Variants in CTNND1 observed in about 807,000 individuals in gnomAD.
CTNND1 encodes catenin delta-1.
In CTNND1, 16 loss-of-function variants were observed where a neutral mutation model predicts 112.1. The observed-to-expected ratio is 0.14, with a 90% CI of 0.10 to 0.22. CTNND1 has a LOEUF of 0.22. CTNND1 is among the 10% of genes least tolerant of loss of function. The pLI, the probability that CTNND1 is intolerant of heterozygous loss-of-function variation, is 1.00. For synonymous variants in CTNND1, 420 were observed against 446.5 expected, an observed-to-expected ratio of 0.94 and a Z score of 0.75; for missense variants, 1,008 against 1,257.0, an observed-to-expected ratio of 0.80 and a Z score of 3.00.
Position 57,761,879 on chromosome 11 carries a change from GAA to G in CTNND1, c.-447_-446del. The stretch of plus-strand genomic sequence containing the variant: ...CATTTTAGGTGTTGGATCTGAGGGG[GAA>G]AAAAAAGAGAGAGGGAGAGAGAGAG... On this transcript the variant is annotated 5_prime_UTR_variant, in exon 1 of 21. Transcript: ENST00000399050. 1.0e-6 allele frequency: 1 copy of G among 984,508 alleles called. No homozygotes were observed. The highest frequency in any genetic ancestry group is 1.2e-6 in the Non-Finnish European group (1 of 829,722). 61.0% of individuals were successfully genotyped at this position (984,508 alleles called of 1,614,324 possible). A position where few individuals can be genotyped will look rare whatever the true frequency, so the allele number is the denominator to read the frequency against.
chr11:57,763,717 G>T (rs1230674398), intron 1 of CTNND1: 1 of 152,228 alleles, frequency 6.6e-6, no homozygotes, highest in East Asian at 1.9e-4. Context: ...CCAGCCTGGG[G>T]AGGTTTCTTG....
chr11:57,777,525 C>T (rs979770203), intron 1 of CTNND1, among the ~76,000 whole-genome samples: 1 of 152,218 alleles, frequency 6.6e-6, no homozygotes, highest in Non-Finnish European at 1.5e-5. Flanking sequence ...CTGCTTCGGC[C>T]TCCCAAAGTG....
At chr11:57,799,308 A>C (rs2061721113) in intron 6 of CTNND1, among the ~76,000 whole-genome samples, 1 of 152,088 alleles carries the variant, frequency 6.6e-6, no homozygotes, top group Non-Finnish European at 1.5e-5. Flanking sequence ...GCTTTTTCTG[A>C]CTTCCTCATT....
intron 1 of CTNND1, among the ~76,000 whole-genome samples, chr11:57,770,736 C>T (rs1287849238): frequency 6.6e-6 from 1 of 152,124 alleles, no homozygotes. Flanking sequence ...AATATATTCT[C>T]ATGGTTGAGG....
At chr11:57,782,233 A>C (rs2059656605) in intron 1 of CTNND1, among the ~76,000 whole-genome samples, 3 of 152,194 alleles carry the variant, frequency 2.0e-5, no homozygotes, top group Admixed American at 1.3e-4. Flanking sequence ...CCAATCAGAG[A>C]GAATGTATCA....
At chr11:57,800,944 C>A (rs540353587) in intron 6 of CTNND1, among the ~76,000 whole-genome samples, 1 of 152,312 alleles carries the variant, frequency 6.6e-6, no homozygotes, top group Admixed American at 6.5e-5. Flanking sequence ...TTTCTCTGTT[C>A]CTAGTGGCTG....
At position 57,798,123 on chromosome 11, in the gene CTNND1, C is replaced by T. The variant is rs930714735; in HGVS notation, c.956+1131C>T. Among the ~76,000 whole-genome samples the T allele has an allele frequency of 2.6e-5, 4 of 151,886 alleles. No homozygotes were observed. The South Asian group carries it at 6.2e-4, about 24-fold the overall frequency. Reference sequence around the variant, plus strand: ...CAGCACTTTGGGAGGCCGAGTTGGGCGGATCACGAGGTCAGGAGATCGAGA... The same window carrying T: ...CAGCACTTTGGGAGGCCGAGTTGGGTGGATCACGAGGTCAGGAGATCGAGA... On this transcript the variant is annotated intron_variant, in intron 6 of 20. Transcript: ENST00000399050.
At chr11:57,785,642 C>A (rs2060048836) in intron 1 of CTNND1, among the ~76,000 whole-genome samples, 1 of 151,952 alleles carries the variant, frequency 6.6e-6, no homozygotes. Flanking sequence ...CTCCGCCTCC[C>A]GGGTTCAAGT....
At chr11:57,814,817 A>C (rs1439817063) in intron 18 of CTNND1, among the ~76,000 whole-genome samples, 2 of 152,064 alleles carry the variant, frequency 1.3e-5, no homozygotes, top group East Asian at 1.9e-4. Flanking sequence ...GCTTAACTCA[A>C]GTCCTGTTTT....
intron 6 of CTNND1, among the ~76,000 whole-genome samples, chr11:57,799,979 G>GTTT (rs1157141511): frequency 0.037 from 2,201 of 58,884 alleles, 444 homozygotes; most frequent in Non-Finnish European, 0.052. Context: ...TTGTTTCCGT[G>GTTT]TTTTTTTTTT....
intron 1 of CTNND1, among the ~76,000 whole-genome samples, chr11:57,777,775 C>T (rs922917724): frequency 3.3e-5 from 5 of 152,162 alleles, no homozygotes; most frequent in African/African-American, 9.7e-5. Context: ...GAGGACTCTG[C>T]TGAGCATCTT....
chr11:57,817,455 T>C lies in CTNND1; in HGVS notation c.*1147T>C, dbSNP rs1359415861. On this transcript the variant is annotated 3_prime_UTR_variant, in exon 21 of 21. Coordinates refer to ENST00000399050, the MANE Select transcript of CTNND1 (RefSeq NM_001085458.2). ...TTTGCCTCTGCAGTCTCATTTCTCA[T>C]AATTTTGCAAATTATATTTTGTTGC... is the stretch of plus-strand genomic sequence containing the variant. The C allele has an allele frequency of 6.5e-6, 1 of 152,696 alleles. No homozygotes were observed. Among genetic ancestry groups the C allele is most frequent in the African/African-American group, 2.4e-5 (1 of 41,466 alleles). The allele number at this position is 152,696 out of a possible 1,614,324, so 9.5% of individuals were successfully genotyped here. A position where few individuals can be genotyped will look rare whatever the true frequency, so the allele number is the denominator to read the frequency against.
Position 57,816,351 on chromosome 11 carries a change from T to A in CTNND1, c.*43T>A. 1 of 1,611,046 alleles carries A rather than the reference T, an allele frequency of 6.2e-7. No homozygotes were observed. Among genetic ancestry groups the A allele is most frequent in the Middle Eastern group, 1.7e-4 (1 of 5,752 alleles). ...CATCTGGGCTTATATGTACTTTTAT[T>A]TTTTGGTGGTGAAATTGACTGATGA... On this transcript the variant is annotated 3_prime_UTR_variant, in exon 21 of 21. Transcript: ENST00000399050.
Position 57,819,062 on chromosome 11 carries a change from G to T in CTNND1, c.*2754G>T, listed in dbSNP as rs1248732854. 6.6e-6 allele frequency: 1 copy of T among 152,198 alleles called. No individual in the cohort carries two copies. The highest frequency in any genetic ancestry group is 1.5e-5 in the Non-Finnish European group (1 of 68,022). 9.4% of individuals were successfully genotyped at this position (152,198 alleles called of 1,614,324 possible). On this transcript the variant is annotated 3_prime_UTR_variant, in exon 21 of 21. Transcript: ENST00000399050. ...GATCAAGGGTTAAGATCTATGGGAA[G>T]ATACTTATTTTTCTGAGGTCCTTAT...
chr11:57,809,976 G>A (rs1017299155), intron 15 of CTNND1, 133 bp from the exon 16 acceptor site: 8 of 528,808 alleles, frequency 1.5e-5, no homozygotes, highest in Non-Finnish European at 2.5e-5. Flanking sequence ...CTCCCAAAGT[G>A]CTGGGATTAC....
At position 57,817,938 on chromosome 11, in the gene CTNND1, C is replaced by T. The variant is rs2064062762; in HGVS notation, c.*1630C>T. 6.6e-6 allele frequency: 1 copy of T among 152,578 alleles called. No individual in the cohort carries two copies. Among genetic ancestry groups the T allele is most frequent in the Admixed American group, 6.5e-5 (1 of 15,268 alleles). The allele number at this position is 152,578 out of a possible 1,614,324, so 9.5% of individuals were successfully genotyped here. A position where few individuals can be genotyped will look rare whatever the true frequency, so the allele number is the denominator to read the frequency against. On this transcript the variant is annotated 3_prime_UTR_variant, in exon 21 of 21. Transcript: ENST00000399050. The stretch of plus-strand genomic sequence containing the variant: ...TGCAACTGGAGTTCCTTATCCCTCT[C>T]TTCCCCTTCCCTTATATATTGAGGC...
At chr11:57,765,460 A>ATTTTTTTTTTT (rs5792061) in intron 1 of CTNND1, among the ~76,000 whole-genome samples, 1 of 105,600 alleles carries the variant, frequency 9.5e-6, no homozygotes, top group African/African-American at 3.5e-5. Context: ...TCCTCCCTTA[A>ATTTTTTTTTTT]TTTTTTTTTT....
At chr11:57,807,618 A>G (rs2062851569) in intron 12 of CTNND1, among the ~76,000 whole-genome samples, 1 of 151,150 alleles carries the variant, frequency 6.6e-6, no homozygotes, top group Non-Finnish European at 1.5e-5. Context: ...AAAAAAAAAA[A>G]AAAAAAAAAA....
In CTNND1 at chr11:57,773,727, A is replaced by G. The variant is rs186883377; in HGVS notation, c.-214+11608A>G. 2.1e-3 allele frequency among the ~76,000 whole-genome samples: 316 copies of G among 151,306 alleles called. 3 individuals carry two copies. The highest frequency in any genetic ancestry group is 7.4e-3 in the African/African-American group (304 of 41,226). ...TGAGGTGGGCGGATCGCTTGAGGTC[A>G]GGAGTTAGAGACCAGCCTGGCCAAC... is the stretch of plus-strand genomic sequence containing the variant. On this transcript the variant is annotated intron_variant, in intron 1 of 20. Transcript: ENST00000399050.
Sources: allele counts gnomAD v4.1 joint callset (sites outside exome capture counted in the v4.1 genomes callset), GRCh38; gene constraint gnomAD v4.1.1; transcripts MANE v1.5; gene names NCBI Gene and HGNC (gene_info 2026-07-23, HGNC 2026-07-21).